SLIT3: variants seen among roughly 807,000 people sequenced by gnomAD.
The protein encoded by SLIT3 is slit homolog 3 protein.
Under a neutral mutation model 184.0 loss-of-function variants are expected in SLIT3, and 68 were observed. The observed-to-expected ratio is 0.37, with a 90% CI of 0.30 to 0.45. The LOEUF (loss-of-function observed/expected upper bound fraction) is 0.45, where lower values mean the gene tolerates loss of function less well. Among genes scored for constraint, SLIT3 ranks in the 20% least tolerant of loss-of-function variants. The pLI is 1.00. For synonymous variants in SLIT3, 831 were observed against 828.6 expected, an observed-to-expected ratio of 1.00 and a Z score of -0.05; for missense variants, 1,707 against 2,026.0, an observed-to-expected ratio of 0.84 and a Z score of 3.02.
At chr5:169,252,012 C>T (rs1765791741) in intron 1 of SLIT3, among the ~76,000 whole-genome samples, 1 of 152,196 alleles carries the variant, frequency 6.6e-6, no homozygotes, top group Non-Finnish European at 1.5e-5. Context: ...AAGCCAGATA[C>T]CTCTGTATTT....
At chr5:168,797,546 A>G (rs747784746) in intron 9 of SLIT3, among the ~76,000 whole-genome samples, 13 of 152,186 alleles carry the variant, frequency 8.5e-5, no homozygotes, top group Non-Finnish European at 1.8e-4. Context: ...ATTACCCTCC[A>G]TCTTAATGAT....
chr5:168,728,911 C>G (rs1162451012), intron 20 of SLIT3, among the ~76,000 whole-genome samples: 1 of 149,816 alleles, frequency 6.7e-6, no homozygotes, highest in Non-Finnish European at 1.5e-5. Flanking sequence ...GAGTTAGACT[C>G]TGTCTCAAAA....
intron 12 of SLIT3, among the ~76,000 whole-genome samples, chr5:168,780,296 G>C (rs1471856780): frequency 6.6e-6 from 1 of 152,256 alleles, no homozygotes; most frequent in African/African-American, 2.4e-5. Flanking sequence ...GAATGCAGTG[G>C]CCCTTCCAGG....
intron 4 of SLIT3, among the ~76,000 whole-genome samples, chr5:168,908,468 G>C (rs534704477): frequency 2.6e-5 from 4 of 152,154 alleles, no homozygotes; most frequent in Non-Finnish European, 5.9e-5. Context: ...CGGTGGAGAG[G>C]ACGGGAGACA....
rs936520434 is a variant in SLIT3, at chr5:169,182,708, T to C, written c.413+10771A>G. ...TTGCATCTTTCAGACAACTGAAGAATGTGTGTTTGGGTTCTGCTCACCTCA... is the reference window on the plus strand; with the variant it reads ...TTGCATCTTTCAGACAACTGAAGAACGTGTGTTTGGGTTCTGCTCACCTCA... On this transcript the variant is annotated intron_variant, in intron 4 of 35. Coordinates refer to ENST00000519560, the MANE Select transcript of SLIT3 (RefSeq NM_003062.4). Among the ~76,000 whole-genome samples the C allele has an allele frequency of 1.8e-4, 28 of 152,282 alleles. No individual in the cohort carries two copies. In the South Asian group the frequency reaches 2.7e-3, roughly 15 times the overall value.
rs1761198455 is a variant in SLIT3 at position 169,129,287 on chromosome 5, C to A, written c.413+64192G>T. On this transcript the variant is annotated intron_variant, in intron 4 of 35. Coordinates refer to ENST00000519560, the MANE Select transcript of SLIT3 (RefSeq NM_003062.4). ...GTTCTCTAGGCTGGGTGTGGTGGCT[C>A]ATGCCTGTAATCCCAGCACTTTGGG... 3.3e-5 allele frequency among the ~76,000 whole-genome samples: 5 copies of A among 152,178 alleles called. No homozygotes were observed. In the South Asian group the frequency reaches 1.0e-3, roughly 31 times the overall value.
chr5:168,869,267 A>G (rs1261889084), intron 5 of SLIT3, among the ~76,000 whole-genome samples: 2 of 152,182 alleles, frequency 1.3e-5, no homozygotes, highest in Non-Finnish European at 2.9e-5. Flanking sequence ...AGCATAGCAG[A>G]GTGGTTCAGG....
intron 31 of SLIT3, among the ~76,000 whole-genome samples, chr5:168,684,519 G>C (rs1744154855): frequency 6.6e-6 from 1 of 152,096 alleles, no homozygotes; most frequent in Non-Finnish European, 1.5e-5. Context: ...GCCCAGGCTG[G>C]AGTGCAGTGG....
intron 4 of SLIT3, among the ~76,000 whole-genome samples, chr5:169,147,271 T>A (rs1278470678): frequency 1.3e-5 from 2 of 152,196 alleles, no homozygotes; most frequent in African/African-American, 4.8e-5. Context: ...TTTTAAAATA[T>A]TTTTAAAAAT....
At chr5:168,865,474 G>A (rs1759265318) in intron 5 of SLIT3, among the ~76,000 whole-genome samples, 1 of 152,224 alleles carries the variant, frequency 6.6e-6, no homozygotes, top group African/African-American at 2.4e-5. Flanking sequence ...AGTGAAAGAT[G>A]TTAGCTACAT....
rs71603891 is a variant in SLIT3 at position 168,952,275 on chromosome 5, C to A, written c.414-68939G>T. Among the ~76,000 whole-genome samples, 1,272 of 152,158 alleles carry A rather than the reference C, an allele frequency of 8.4e-3. 12 individuals are homozygous for A. Among genetic ancestry groups the A allele is most frequent in the Middle Eastern group, 0.031 (9 of 294 alleles). On this transcript the variant is annotated intron_variant, in intron 4 of 35. Coordinates refer to ENST00000519560, the MANE Select transcript of SLIT3 (RefSeq NM_003062.4). ...TGTGGGCATAAATATATGCAAAGAC[C>A]AGATTTTGATCCATCCTGAGTTAAG...
intron 4 of SLIT3, among the ~76,000 whole-genome samples, chr5:169,183,358 T>C (rs1488799701): frequency 2.0e-5 from 3 of 152,200 alleles, no homozygotes; most frequent in African/African-American, 7.2e-5. Flanking sequence ...GGAGGTGAGC[T>C]TGTCTTGCCA....
At chr5:168,901,270 G>A (rs1217244284) in intron 4 of SLIT3, among the ~76,000 whole-genome samples, 1 of 151,862 alleles carries the variant, frequency 6.6e-6, no homozygotes, top group South Asian at 2.1e-4. Flanking sequence ...AGGCTGAGGC[G>A]GGAGAATGAC....
At chr5:169,265,125 C>G (rs1766347586) in intron 1 of SLIT3, among the ~76,000 whole-genome samples, 1 of 151,736 alleles carries the variant, frequency 6.6e-6, no homozygotes, top group African/African-American at 2.4e-5. Context: ...GACTCCCTGC[C>G]CCTGTTTTGC....
Position 168,687,028 on chromosome 5 carries a change from A to C in SLIT3, c.3265T>G (p.Cys1089Gly). The change falls in exon 30 of 36, where the codon TGC becomes GGC. Residue 1089 changes from cysteine to glycine, a missense_variant. Cys to Gly is a radical substitution (Grantham distance 159). Transcript: ENST00000519560. ...VAHKCRHGAQ[C>G]VDTINGYTCT... ...GTGTAGCCATTGATTGTGTCCACGC[A>C]CTGGGCCCCGTGGCGGCACTTGTGG... 1 of 1,614,240 alleles carries C rather than the reference A, an allele frequency of 6.2e-7. No homozygotes were observed. Among genetic ancestry groups the C allele is most frequent in the Non-Finnish European group, 8.5e-7 (1 of 1,180,028 alleles).
chr5:168,818,235 C>A (rs925770188), intron 7 of SLIT3, among the ~76,000 whole-genome samples: 1 of 152,140 alleles, frequency 6.6e-6, no homozygotes, highest in African/African-American at 2.4e-5. Context: ...TATTTTCTAA[C>A]CAGTTCTAGG....
At chr5:168,854,915 A>G (rs1313629826) in intron 5 of SLIT3, among the ~76,000 whole-genome samples, 1 of 152,236 alleles carries the variant, frequency 6.6e-6, no homozygotes, top group Non-Finnish European at 1.5e-5. Flanking sequence ...AACTGCTGAA[A>G]AAAGGAGCAT....
chr5:168,689,879 T>C (rs1187431654), intron 29 of SLIT3, among the ~76,000 whole-genome samples: 1 of 152,222 alleles, frequency 6.6e-6, no homozygotes, highest in Admixed American at 6.5e-5. Context: ...TTTAAACACA[T>C]TTTAATGAAA....
At chr5:169,267,487 T>C (rs1386665574) in intron 1 of SLIT3, among the ~76,000 whole-genome samples, 1 of 152,222 alleles carries the variant, frequency 6.6e-6, no homozygotes, top group African/African-American at 2.4e-5. Context: ...GAGCTCTTTA[T>C]TGACAGTTTT....
Sources: allele counts gnomAD v4.1 joint callset (sites outside exome capture counted in the v4.1 genomes callset), GRCh38; gene constraint gnomAD v4.1.1; transcripts MANE v1.5; gene names NCBI Gene and HGNC (gene_info 2026-07-23, HGNC 2026-07-21).